CCDC30: variants seen among roughly 807,000 people sequenced by gnomAD.
The protein encoded by CCDC30 is coiled-coil domain containing 30.
CCDC30 carries 70 observed loss-of-function variants against 100.2 expected under a neutral mutation model. The observed-to-expected ratio is 0.70, with a 90% CI of 0.58 to 0.85. The LOEUF (loss-of-function observed/expected upper bound fraction) is 0.85, where lower values mean the gene tolerates loss of function less well. Among genes scored for constraint, CCDC30 ranks in the 40% least tolerant of loss-of-function variants. The pLI is 0.00. For synonymous variants in CCDC30, 233 were observed against 269.5 expected, an observed-to-expected ratio of 0.86 and a Z score of 1.33; for missense variants, 652 against 771.2, an observed-to-expected ratio of 0.85 and a Z score of 1.83.
At chr1:42,462,806 C>T (rs1468626679), upstream of CCDC30, among the ~76,000 whole-genome samples, 3 of 152,142 alleles carry the variant, frequency 2.0e-5, no homozygotes, top group African/African-American at 7.2e-5. Flanking sequence ...CAATTCTAGT[C>T]AAGCCCAGTT....
chr1:42,459,542 A>G, upstream of CCDC30: 1 of 1,350,674 alleles, frequency 7.4e-7, no homozygotes, highest in South Asian at 1.3e-5. Context: ...GTTTCCCATG[A>G]GATTGACCTG....
chr1:42,633,584 G>T (rs373805333), intron 11 of CCDC30, among the ~76,000 whole-genome samples: 1 of 151,992 alleles, frequency 6.6e-6, no homozygotes, highest in African/African-American at 2.4e-5. Flanking sequence ...CCAGGAAACC[G>T]GGAGGGAGAC....
At chr1:42,518,740 T>C (rs1644592512) in intron 6 of CCDC30, among the ~76,000 whole-genome samples, 1 of 152,208 alleles carries the variant, frequency 6.6e-6, no homozygotes, top group South Asian at 2.1e-4. Flanking sequence ...TGACTGTAAT[T>C]TTACTTCTTC....
intron 6 of CCDC30, among the ~76,000 whole-genome samples, chr1:42,548,100 A>G (rs1359069859): frequency 3.9e-5 from 6 of 152,328 alleles, no homozygotes; most frequent in African/African-American, 1.2e-4. Flanking sequence ...CTATGCTGCT[A>G]TAGCATGGAG....
chr1:42,600,093 A>G (rs1441530775), intron 10 of CCDC30, among the ~76,000 whole-genome samples: 14 of 152,168 alleles, frequency 9.2e-5, no homozygotes, highest in Admixed American at 4.6e-4. Flanking sequence ...CCATGATCCA[A>G]TCACCTTCCA....
chr1:42,553,652 TACACACACACACACAC>T (rs60429759), intron 6 of CCDC30, among the ~76,000 whole-genome samples: 2 of 133,832 alleles, frequency 1.5e-5, no homozygotes, highest in Admixed American at 7.6e-5. Flanking sequence ...TGAGATTCCA[TACACACACACACACAC>T]ACACACACAC....
At chr1:42,590,992 T>A (rs1646175648) in intron 10 of CCDC30, 1 of 152,390 alleles carries the variant, frequency 6.6e-6, no homozygotes, top group South Asian at 2.1e-4. Context: ...GCAGAAGAAA[T>A]TTCTAAGCAG....
intron 7 of CCDC30, among the ~76,000 whole-genome samples, chr1:42,568,434 G>A (rs12033025): frequency 0.084 from 12,837 of 152,086 alleles, 679 homozygotes; most frequent in South Asian, 0.19. Flanking sequence ...TATCTCTTAC[G>A]AACAGCCTCA....
chr1:42,638,468 T>A (rs998634284), intron 12 of CCDC30, among the ~76,000 whole-genome samples: 1 of 151,722 alleles, frequency 6.6e-6, no homozygotes, highest in Non-Finnish European at 1.5e-5. Flanking sequence ...TTTTTCAAAC[T>A]TTTAGAGACT....
chr1:42,511,537 C>T (rs1040745067), intron 6 of CCDC30, among the ~76,000 whole-genome samples: 6 of 152,094 alleles, frequency 3.9e-5, no homozygotes, highest in South Asian at 2.1e-4. Flanking sequence ...CTTAAAAGAA[C>T]GTAGGGACCA....
intron 6 of CCDC30, chr1:42,537,073 G>A (rs4660643): frequency 0.39 from 161,311 of 409,188 alleles, 33,458 homozygotes; most frequent in East Asian, 0.6. Flanking sequence ...CCATAGCACT[G>A]TAGAATACGT....
chr1:42,526,817 G>A (rs1168207477), intron 6 of CCDC30, among the ~76,000 whole-genome samples: 1 of 152,104 alleles, frequency 6.6e-6, no homozygotes, highest in African/African-American at 2.4e-5. Context: ...AGTTACATAA[G>A]ATAGTTTGTC....
chr1:42,616,892 T>C (rs1646736779), intron 11 of CCDC30, among the ~76,000 whole-genome samples: 1 of 152,154 alleles, frequency 6.6e-6, no homozygotes, highest in African/African-American at 2.4e-5. Flanking sequence ...GGAGACTAAT[T>C]AGGTAAAGTA....
chr1:42,653,855 C>G (rs185514403), exon 17 of CCDC30: 1 of 1,614,142 alleles, frequency 6.2e-7, no homozygotes, highest in Middle Eastern at 1.6e-4. Context: ...ATTTGCAAGT[C>G]TTCAAGAGAC....
intron 6 of CCDC30, among the ~76,000 whole-genome samples, chr1:42,532,980 A>G (rs1644830366): frequency 6.6e-6 from 1 of 151,966 alleles, no homozygotes; most frequent in Admixed American, 6.5e-5. Context: ...TGTGGTATCG[A>G]TCTCCTGACC....
intron 6 of CCDC30, among the ~76,000 whole-genome samples, chr1:42,515,288 G>A (rs115964640): frequency 1.3e-5 from 2 of 151,718 alleles, no homozygotes; most frequent in Admixed American, 6.6e-5. Context: ...AGTCTCAAAA[G>A]GAATATGGCC....
intron 14 of CCDC30, among the ~76,000 whole-genome samples, chr1:42,645,899 C>T (rs1483437870): frequency 1.3e-5 from 2 of 152,164 alleles, no homozygotes; most frequent in Non-Finnish European, 2.9e-5. Flanking sequence ...AGGACAAACA[C>T]ATTTGTAAAT....
chr1:42,476,534 T>C (rs1643883398), intron 1 of CCDC30, among the ~76,000 whole-genome samples: 1 of 152,080 alleles, frequency 6.6e-6, no homozygotes, highest in East Asian at 1.9e-4. Flanking sequence ...CTACTAAAAA[T>C]ACAAAATTAG....
At chr1:42,586,172 A>G (rs1646065142) in intron 9 of CCDC30, among the ~76,000 whole-genome samples, 1 of 152,254 alleles carries the variant, frequency 6.6e-6, no homozygotes, top group African/African-American at 2.4e-5. Flanking sequence ...AATAGACAAT[A>G]GTATGGAGGA....
Sources: gnomAD v4.1 joint callset for allele counts (sites outside exome capture counted in the v4.1 genomes callset) on GRCh38, gnomAD v4.1.1 for gene constraint, MANE v1.5 for transcripts, NCBI Gene and HGNC (gene_info 2026-07-23, HGNC 2026-07-21) for gene names.